The following RALGAPA2 variants were observed in gnomAD, a reference collection of about 807,000 sequenced individuals.
The protein encoded by RALGAPA2 is Ral GTPase activating protein catalytic subunit alpha 2, also known as ral GTPase-activating protein subunit alpha-2.
Under a neutral mutation model 230.4 loss-of-function variants are expected in RALGAPA2, and 139 were observed. That is an observed-to-expected ratio of 0.60 (90% CI 0.53 to 0.69). The LOEUF is 0.69. Ranked by LOEUF, RALGAPA2 falls within the 30% of genes least tolerant of loss-of-function variation. The probability of loss-of-function intolerance (pLI) is 0.00; values close to 1 mark genes in which losing one functional copy is unlikely to be tolerated. For synonymous variants in RALGAPA2, 847 were observed against 837.8 expected (o/e 1.01, Z -0.19); for missense variants, 2,163 against 2,276.0 (o/e 0.95, Z 1.01).
chr20:20,503,089 C>A (rs556421782), intron 35 of RALGAPA2, among the ~76,000 whole-genome samples: 1 of 152,176 alleles, frequency 6.6e-6, no homozygotes, highest in Non-Finnish European at 1.5e-5. Flanking sequence ...CAGAGCCCCA[C>A]CAGTACAGGG....
chr20:20,494,636 TCGTGGACATGCCTGCAA>T (rs1453745474), intron 36 of RALGAPA2, among the ~76,000 whole-genome samples: 1 of 152,206 alleles, frequency 6.6e-6, no homozygotes, highest in East Asian at 1.9e-4. Context: ...CCCGGCCTCT[TCGTGGACATGCCTGCAA>T]TTCTGCAGGA....
At chr20:20,683,094 T>G (rs2068577674) in intron 1 of RALGAPA2, among the ~76,000 whole-genome samples, 4 of 152,222 alleles carry the variant, frequency 2.6e-5, no homozygotes, top group Admixed American at 2.6e-4. Context: ...TCCACCCCGC[T>G]GCTCTGGCCA....
intron 16 of RALGAPA2, 92 bp downstream of exon 16, chr20:20,601,590 A>C (rs1181983589): frequency 1.5e-6 from 2 of 1,308,264 alleles, no homozygotes; most frequent in Non-Finnish European, 2.1e-6. Context: ...CTAATATTTA[A>C]ATTTTGAGTA....
intron 38 of RALGAPA2, among the ~76,000 whole-genome samples, chr20:20,410,302 A>T (rs1025484601): frequency 6.6e-6 from 1 of 152,218 alleles, no homozygotes; most frequent in Non-Finnish European, 1.5e-5. Flanking sequence ...ATAGAAAACA[A>T]AGTCCATCAT....
intron 1 of RALGAPA2, among the ~76,000 whole-genome samples, chr20:20,706,234 C>T (rs1182339822): frequency 1.3e-5 from 2 of 152,212 alleles, no homozygotes; most frequent in African/African-American, 4.8e-5. Flanking sequence ...ACTTTTCTCA[C>T]ATCAGAAGTC....
At chr20:20,393,906 C>T (rs922473944) in intron 39 of RALGAPA2, among the ~76,000 whole-genome samples, 2 of 152,192 alleles carry the variant, frequency 1.3e-5, no homozygotes, top group African/African-American at 4.8e-5. Flanking sequence ...AACACCAAGC[C>T]ACTGTTGCGG....
In RALGAPA2 at chr20:20,512,718, C is replaced by T. The variant is rs1240401723; in HGVS notation, c.4651G>A (p.Gly1551Ser). 2.5e-6 allele frequency: 4 copies of T among 1,613,784 alleles called. No individual in the cohort carries two copies. The highest frequency in any genetic ancestry group is 2.7e-5 in the African/African-American group (2 of 74,902). ...TCCTTCTCTTGGTCATAGTTCATGCCACATGGGGTTAGGGAAGGTTCATTT... is the reference window on the plus strand; with the variant it reads ...TCCTTCTCTTGGTCATAGTTCATGCTACATGGGGTTAGGGAAGGTTCATTT... ...NLNEPSLTPC[G>S]MNYDQEKEII... The change falls in exon 32 of 40, where the codon GGC becomes AGC. Residue 1551 changes from glycine to serine, a missense_variant. Transcript: ENST00000202677.
At chr20:20,440,249 T>G (rs539845361) in intron 37 of RALGAPA2, among the ~76,000 whole-genome samples, 83 of 152,208 alleles carry the variant, frequency 5.5e-4, no homozygotes, top group Non-Finnish European at 1.1e-3. Context: ...AAACAGGGTA[T>G]TTGGGTTACT....
Position 20,524,540 on chromosome 20 carries a change from T to G in RALGAPA2, c.3766A>C (p.Ile1256Leu), listed in dbSNP as rs2063143348. ...AAGAGGCAGAGTAGCAAGGACACAATAAACTGGAAGAAGAACATGCCCGGT... is the reference window on the plus strand; with the variant it reads ...AAGAGGCAGAGTAGCAAGGACACAAGAAACTGGAAGAAGAACATGCCCGGT... ...YSSVETDKKF[I>L]VSLLLCLLDW... The change falls in exon 30 of 40, where the codon ATT (isoleucine) becomes CTT (leucine). Residue 1256 changes from isoleucine to leucine, a missense_variant. Coordinates refer to ENST00000202677, the MANE Select transcript of RALGAPA2 (RefSeq NM_020343.4). 6.2e-7 allele frequency: 1 copy of G among 1,613,844 alleles called. No individual in the cohort carries two copies. Among genetic ancestry groups the G allele is most frequent in the Middle Eastern group, 1.7e-4 (1 of 6,056 alleles).
In RALGAPA2 at chr20:20,458,896, A is replaced by AAT. The variant is rs1488858076; in HGVS notation, c.5495+13931_5495+13932dup. On this transcript the variant is annotated intron_variant, in intron 37 of 39. Transcript: ENST00000202677. ...TATATACACACACACAAATAAATAA[A>AAT]ATATATATATACCAATACAACAACT... Among the ~76,000 whole-genome samples the AAT allele has an allele frequency of 2.1e-5, 3 of 145,826 alleles. 1 individual carries two copies. Among genetic ancestry groups the AAT allele is most frequent in the Admixed American group, 1.4e-4 (2 of 14,386 alleles).
intron 37 of RALGAPA2, among the ~76,000 whole-genome samples, chr20:20,430,919 G>A (rs900421541): frequency 2.0e-5 from 3 of 151,998 alleles, no homozygotes; most frequent in Non-Finnish European, 4.4e-5. Context: ...AGGACATAAA[G>A]ACGTTAACTC....
chr20:20,399,087 G>T (rs1021742589), intron 38 of RALGAPA2, among the ~76,000 whole-genome samples: 1 of 152,212 alleles, frequency 6.6e-6, no homozygotes, highest in African/African-American at 2.4e-5. Flanking sequence ...GCTCACGCCT[G>T]TAATCCCAGC....
intron 37 of RALGAPA2, among the ~76,000 whole-genome samples, chr20:20,459,065 CTTTGCAA>C (rs1218151417): frequency 1.3e-5 from 2 of 151,716 alleles, no homozygotes; most frequent in African/African-American, 4.8e-5. Context: ...TCTATGTCCT[CTTTGCAA>C]AGTTTTGTTT....
At chr20:20,465,149 T>TCACACACA (rs74180992) in intron 37 of RALGAPA2, among the ~76,000 whole-genome samples, 16,103 of 108,910 alleles carry the variant, frequency 0.15, 1,531 homozygotes, top group Admixed American at 0.18. Context: ...CCGCAGGCCT[T>TCACACACA]CACACACACA....
At chr20:20,490,666 G>A (rs1444607082) in intron 36 of RALGAPA2, among the ~76,000 whole-genome samples, 2 of 152,046 alleles carry the variant, frequency 1.3e-5, no homozygotes, top group Non-Finnish European at 2.9e-5. Flanking sequence ...TCCCTATACC[G>A]TGAGGCCACA....
intron 37 of RALGAPA2, among the ~76,000 whole-genome samples, chr20:20,453,338 T>C (rs2123183674): frequency 6.6e-6 from 1 of 152,084 alleles, no homozygotes; most frequent in South Asian, 2.1e-4. Context: ...GAGGGGTCTA[T>C]GGCATGAGAT....
At chr20:20,537,248 A>G (rs1056282260) in intron 24 of RALGAPA2, among the ~76,000 whole-genome samples, 9 of 152,188 alleles carry the variant, frequency 5.9e-5, no homozygotes, top group African/African-American at 1.9e-4. Flanking sequence ...CTGCTTTACG[A>G]AAAAATATAA....
At chr20:20,449,573 A>T (rs1340756078) in intron 37 of RALGAPA2, among the ~76,000 whole-genome samples, 1 of 152,184 alleles carries the variant, frequency 6.6e-6, no homozygotes, top group African/African-American at 2.4e-5. Context: ...GGGCATTAAG[A>T]TTATTTTTCA....
intron 23 of RALGAPA2, among the ~76,000 whole-genome samples, chr20:20,569,289 G>T (rs2064549588): frequency 1.3e-5 from 2 of 152,122 alleles, no homozygotes; most frequent in South Asian, 4.1e-4. Context: ...AATTCTGTTT[G>T]GCAGACAGTC....
Sources: gnomAD v4.1 joint callset for allele counts (sites outside exome capture counted in the v4.1 genomes callset) on GRCh38, gnomAD v4.1.1 for gene constraint, MANE v1.5 for transcripts, NCBI Gene and HGNC (gene_info 2026-07-23, HGNC 2026-07-21) for gene names.